COL15A1: variants seen among roughly 807,000 people sequenced by gnomAD.
The protein encoded by COL15A1 is collagen type XV alpha 1 chain.
In COL15A1, 111 loss-of-function variants were observed where a neutral mutation model predicts 165.9. That is an observed-to-expected ratio of 0.67 (90% CI 0.57 to 0.78). COL15A1 has a LOEUF of 0.78. Among genes scored for constraint, COL15A1 ranks in the 30% least tolerant of loss-of-function variants. The probability of loss-of-function intolerance (pLI) is 0.00; values close to 1 mark genes in which losing one functional copy is unlikely to be tolerated. For missense variants in COL15A1, 1,745 were observed against 1,789.7 expected (o/e 0.98, Z 0.45); for synonymous variants, 659 against 674.8 (o/e 0.98, Z 0.36).
Position 99,025,996 on chromosome 9 carries a change from A to G in COL15A1, c.2043+30A>G, listed in dbSNP as rs764188898. The G allele has an allele frequency of 8.8e-6, 14 of 1,591,126 alleles. No homozygotes were observed. The East Asian group carries it at 1.3e-4, about 15-fold the overall frequency. ...GGGGAACACGGGAGGGTCCCACCACATGGGAGCCACCAGGCCCACACTACT... is the reference window on the plus strand; with the variant it reads ...GGGGAACACGGGAGGGTCCCACCACGTGGGAGCCACCAGGCCCACACTACT... On this transcript the variant is annotated intron_variant, in intron 16 of 41. Coordinates refer to ENST00000375001, the MANE Select transcript of COL15A1 (RefSeq NM_001855.5).
chr9:99,043,004 C>A (rs1285382025), intron 24 of COL15A1, among the ~76,000 whole-genome samples: 1 of 152,128 alleles, frequency 6.6e-6, no homozygotes, highest in African/African-American at 2.4e-5. Context: ...AAGAGATATG[C>A]AAAGAGCTAA....
intron 36 of COL15A1, among the ~76,000 whole-genome samples, chr9:99,061,399 G>C (rs1825813772): frequency 6.6e-6 from 1 of 152,218 alleles, no homozygotes; most frequent in African/African-American, 2.4e-5. Context: ...CCAAATGGCT[G>C]TCTAATCTTT....
intron 5 of COL15A1, 24 bp downstream of exon 5, chr9:98,989,282 T>C: frequency 1.9e-6 from 3 of 1,583,836 alleles, no homozygotes; most frequent in Non-Finnish European, 2.6e-6. Flanking sequence ...TGCTGTGCCA[T>C]GTGATCTTGC....
intron 28 of COL15A1, among the ~76,000 whole-genome samples, 178 bp from the exon 29 acceptor site, chr9:99,049,512 T>C (rs1224559127): frequency 1.3e-5 from 2 of 152,226 alleles, no homozygotes; most frequent in African/African-American, 4.8e-5. Context: ...TGGTTTGTTG[T>C]GAAGATACAG....
chr9:98,961,386 A>G (rs1837863335), intron 2 of COL15A1, among the ~76,000 whole-genome samples: 1 of 152,232 alleles, frequency 6.6e-6, no homozygotes, highest in Non-Finnish European at 1.5e-5. Context: ...GGACACTCTC[A>G]TCTGTACCAG....
At chr9:98,973,450 A>AT (rs1245119614) in intron 2 of COL15A1, among the ~76,000 whole-genome samples, 1 of 152,202 alleles carries the variant, frequency 6.6e-6, no homozygotes, top group East Asian at 1.9e-4. Context: ...TTGATCCAGG[A>AT]TTTTTTCCCT....
intron 10 of COL15A1, 57 bp from the exon 11 acceptor site, chr9:99,015,919 C>G: frequency 6.3e-7 from 1 of 1,587,052 alleles, no homozygotes; most frequent in Non-Finnish European, 8.6e-7. Context: ...TGTTACAACT[C>G]CCTGGCAGCC....
chr9:98,998,694 G>A (rs1838592411), intron 6 of COL15A1, among the ~76,000 whole-genome samples: 1 of 152,188 alleles, frequency 6.6e-6, no homozygotes, highest in South Asian at 2.1e-4. Flanking sequence ...CTCAGCAAGG[G>A]GTTAAGGTGA....
At chr9:99,042,366 G>A (rs1231576091) in intron 24 of COL15A1, among the ~76,000 whole-genome samples, 1 of 152,158 alleles carries the variant, frequency 6.6e-6, no homozygotes, top group Non-Finnish European at 1.5e-5. Context: ...TCACTCTCCA[G>A]CTGTTAACTT....
intron 26 of COL15A1, among the ~76,000 whole-genome samples, chr9:99,046,086 A>G (rs748975416): frequency 3.3e-5 from 5 of 152,194 alleles, no homozygotes; most frequent in African/African-American, 7.2e-5. Context: ...AATACTGTGG[A>G]AAATACAAAT....
chr9:99,018,447 T>C (rs1838972402), intron 11 of COL15A1, among the ~76,000 whole-genome samples: 1 of 152,218 alleles, frequency 6.6e-6, no homozygotes, highest in Non-Finnish European at 1.5e-5. Flanking sequence ...TGTCCACATA[T>C]ATTAACAATC....
At chr9:98,985,521 T>C in intron 2 of COL15A1, 44 bp from the exon 3 acceptor site, 1 of 1,541,554 alleles carries the variant, frequency 6.5e-7, no homozygotes. Flanking sequence ...TCAAGCAAAG[T>C]GGAATATACC....
chr9:98,976,916 T>G (rs1367761313), intron 2 of COL15A1, among the ~76,000 whole-genome samples: 1 of 152,000 alleles, frequency 6.6e-6, no homozygotes, highest in Non-Finnish European at 1.5e-5. Flanking sequence ...GTGATGACAT[T>G]GAAGTTGGGC....
intron 2 of COL15A1, among the ~76,000 whole-genome samples, chr9:98,971,104 C>A (rs1314378717): frequency 6.6e-6 from 1 of 152,158 alleles, no homozygotes; most frequent in African/African-American, 2.4e-5. Flanking sequence ...TTTCTCATCC[C>A]CAGCCCTGGA....
intron 24 of COL15A1, 35 bp from the exon 25 acceptor site, chr9:99,044,533 G>C (rs769075782): frequency 1.9e-6 from 3 of 1,608,568 alleles, no homozygotes; most frequent in Non-Finnish European, 2.6e-6. Context: ...GCAAGGAGGA[G>C]TCCTGACTTC....
chr9:99,063,086 A>G lies in COL15A1; in HGVS notation c.3628A>G (p.Ser1210Gly). The G allele has an allele frequency of 1.9e-6, 3 of 1,583,190 alleles. No individual in the cohort carries two copies. Among genetic ancestry groups the G allele is most frequent in the East Asian group, 2.3e-5 (1 of 43,414 alleles). The change falls in exon 39 of 42, where the codon AGT (serine) becomes GGT (glycine). Residue 1210 changes from serine to glycine, a missense_variant. Ser to Gly is a moderately conservative substitution (Grantham distance 56). Coordinates refer to ENST00000375001, the MANE Select transcript of COL15A1 (RefSeq NM_001855.5). ...TCTGCCTCCACCAAACCCTATTTCAAGTGCCAATTATGAGAAGCCTGCTGT... is the reference window on the plus strand; with the variant it reads ...TCTGCCTCCACCAAACCCTATTTCAGGTGCCAATTATGAGAAGCCTGCTGT... The part of the protein sequence containing the change: ...QLLPPPNPIS[S>G]ANYEKPALHL...
intron 28 of COL15A1, 103 bp downstream of exon 28, chr9:99,048,103 GTTC>G (rs1839524276): frequency 2.7e-6 from 2 of 753,752 alleles, no homozygotes; most frequent in South Asian, 1.5e-5. Context: ...CAGGAATGTT[GTTC>G]TTCTTCCTTC....
chr9:98,958,472 T>C (rs572556788), intron 2 of COL15A1, among the ~76,000 whole-genome samples: 3 of 152,126 alleles, frequency 2.0e-5, no homozygotes, highest in Non-Finnish European at 2.9e-5. Flanking sequence ...CCCTGTCTAG[T>C]TAAAATGCCA....
At chr9:99,068,467 CAAAAAAAAAA>C (rs34451429) in intron 40 of COL15A1, 78 bp from the exon 41 acceptor site, 2 of 271,506 alleles carry the variant, frequency 7.4e-6, no homozygotes, top group Non-Finnish European at 1.2e-5. Flanking sequence ...GAAACTGTGT[CAAAAAAAAAA>C]AAAAAAAAAG....
Sources: allele counts gnomAD v4.1 joint callset (sites outside exome capture counted in the v4.1 genomes callset), GRCh38; gene constraint gnomAD v4.1.1; transcripts MANE v1.5; gene names NCBI Gene and HGNC (gene_info 2026-07-23, HGNC 2026-07-21).